The following SIRT3 variants were observed in gnomAD, a reference collection of about 807,000 sequenced individuals.
SIRT3 encodes the protein NAD-dependent protein deacetylase sirtuin-3, mitochondrial.
Under a neutral mutation model 33.5 loss-of-function variants are expected in SIRT3, and 26 were observed. The observed-to-expected ratio is 0.78, with a 90% CI of 0.57 to 1.08. The LOEUF is 1.08. SIRT3 is among the 50% of genes least tolerant of loss of function. SIRT3 has a pLI of 0.00. For missense variants in SIRT3, 585 were observed against 530.1 expected, an observed-to-expected ratio of 1.10 and a Z score of -1.02; for synonymous variants, 237 against 222.1, an observed-to-expected ratio of 1.07 and a Z score of -0.60.
intron 3 of SIRT3, among the ~76,000 whole-genome samples, chr11:231,921 G>A (rs1475088936): frequency 6.6e-6 from 1 of 151,432 alleles, no homozygotes. Context: ...ATCACTGCAC[G>A]TAAGGAAAAG....
At chr11:233,924 C>A (rs752953541) in intron 1 of SIRT3, 1 of 176,296 alleles carries the variant, frequency 5.7e-6, no homozygotes, top group Non-Finnish European at 1.2e-5. Context: ...CTATTAAGCG[C>A]CCCACTTCAC....
In SIRT3 at chr11:230,613, G is replaced by C. The variant is rs75642827; in HGVS notation, c.707-61C>G. 11,456 of 1,219,446 alleles carry C rather than the reference G, an allele frequency of 9.4e-3. 70 individuals carry two copies. The highest frequency in any genetic ancestry group is 0.013 in the South Asian group (740 of 57,082). The allele number at this position is 1,219,446 out of a possible 1,614,324, so 75.5% of individuals were successfully genotyped here. A position where few individuals can be genotyped will look rare whatever the true frequency, so the allele number is the denominator to read the frequency against. On this transcript the variant is annotated intron_variant, in intron 3 of 6. Coordinates refer to ENST00000382743, the MANE Select transcript of SIRT3 (RefSeq NM_012239.6). ...CTCCGAGATGAGCACGCAAGGCCAA[G>C]AGCACAACTTCTGGGCTTGGCAGGA...
At chr11:230,667 G>T in intron 3 of SIRT3, 115 bp from the exon 4 acceptor site, 1 of 554,156 alleles carries the variant, frequency 1.8e-6, no homozygotes, top group Non-Finnish European at 3.0e-6. Context: ...GCCCCTTGGG[G>T]TTGTGATGTC....
At chr11:218,456 A>G (rs1284389810) in intron 6 of SIRT3, among the ~76,000 whole-genome samples, 1 of 152,230 alleles carries the variant, frequency 6.6e-6, no homozygotes, top group Non-Finnish European at 1.5e-5. Context: ...ACATAGATGC[A>G]GAGAACTTTA....
At chr11:232,626 T>G (rs1441657394) in intron 3 of SIRT3, among the ~76,000 whole-genome samples, 1 of 152,084 alleles carries the variant, frequency 6.6e-6, no homozygotes, top group Non-Finnish European at 1.5e-5. Context: ...TCTTTGTGTG[T>G]GCTCAAAAAA....
chr11:233,193 T>C lies in SIRT3; in HGVS notation c.496A>G (p.Ser166Gly). Residue 166 changes from serine to glycine, a missense_variant, in exon 3 of 7, where the codon AGC becomes GGC. Physicochemically the swap from Ser to Gly is moderately conservative, Grantham distance 56. Transcript: ENST00000382743. ...DFRSPGSGLY[S>G]NLQQYDLPYP... Reference sequence around the variant, plus strand: ...GGGAGATCGTACTGCTGGAGGTTGCTGTACAGGCCACTCCCCGGCGATCTG... The same window carrying C: ...GGGAGATCGTACTGCTGGAGGTTGCCGTACAGGCCACTCCCCGGCGATCTG... 2 of 1,613,910 alleles carry C rather than the reference T, an allele frequency of 1.2e-6. No individual in the cohort carries two copies. Among genetic ancestry groups the C allele is most frequent in the East Asian group, 2.2e-5 (1 of 44,880 alleles).
At chr11:227,353 G>A (rs1188818547) in intron 4 of SIRT3, among the ~76,000 whole-genome samples, 2 of 151,488 alleles carry the variant, frequency 1.3e-5, no homozygotes, top group African/African-American at 4.8e-5. Flanking sequence ...CAAGAGAATC[G>A]CTTGAACCTG....
chr11:233,649 T>G, intron 1 of SIRT3, 115 bp from the exon 2 acceptor site: 1 of 937,060 alleles, frequency 1.1e-6, no homozygotes, highest in Middle Eastern at 2.2e-4. Flanking sequence ...TGAGCATGTG[T>G]GTCTCCCCAG....
Position 226,905 on chromosome 11 carries a change from C to T in SIRT3, c.808-2666G>A, listed in dbSNP as rs550448729. Among the ~76,000 whole-genome samples, 3 of 150,870 alleles carry T rather than the reference C, an allele frequency of 2.0e-5. No homozygotes were observed. In the South Asian group the frequency reaches 6.3e-4, roughly 32 times the overall value. On this transcript the variant is annotated intron_variant, in intron 4 of 6. Transcript: ENST00000382743. ...AGTATCTGAGATTATAGGCATGCACCATCACGCCCGGCTAATTTTGTATTT... is the reference window on the plus strand; with the variant it reads ...AGTATCTGAGATTATAGGCATGCACTATCACGCCCGGCTAATTTTGTATTT...
intron 4 of SIRT3, among the ~76,000 whole-genome samples, chr11:228,360 A>G (rs569228187): frequency 2.0e-5 from 3 of 152,226 alleles, no homozygotes; most frequent in Non-Finnish European, 4.4e-5. Flanking sequence ...TGCTGGACTC[A>G]CACTTCCTAA....
chr11:224,048 C>A (rs570772), intron 5 of SIRT3, 30 bp downstream of exon 5: 47,475 of 1,109,284 alleles, frequency 0.043, 4,681 homozygotes, highest in Middle Eastern at 0.085. Flanking sequence ...TGCCCTCCAG[C>A]CTCCTCCCTG....
intron 4 of SIRT3, among the ~76,000 whole-genome samples, chr11:224,684 A>G (rs1290990784): frequency 6.6e-6 from 1 of 152,314 alleles, no homozygotes; most frequent in East Asian, 1.9e-4. Context: ...TTCGGTGATC[A>G]TGCCATTGCC....
chr11:220,642 A>G (rs996650549), intron 5 of SIRT3, among the ~76,000 whole-genome samples: 10 of 152,256 alleles, frequency 6.6e-5, no homozygotes, highest in African/African-American at 1.2e-4. Context: ...ATGGCTACAT[A>G]AAAACACAGT....
At chr11:230,826 A>C in intron 3 of SIRT3, 1 of 274,940 alleles carries the variant, frequency 3.6e-6, no homozygotes, top group Non-Finnish European at 6.7e-6. Context: ...ATAAAAGCTC[A>C]AATAAAATTA....
intron 5 of SIRT3, among the ~76,000 whole-genome samples, chr11:219,549 A>G (rs576586296): frequency 3.3e-4 from 50 of 152,184 alleles, no homozygotes; most frequent in Non-Finnish European, 4.1e-4. Context: ...CCCAGCCTCT[A>G]GAGAGGCCTA....
chr11:228,050 G>T (rs939621838), intron 4 of SIRT3, among the ~76,000 whole-genome samples: 1 of 152,154 alleles, frequency 6.6e-6, no homozygotes, highest in Non-Finnish European at 1.5e-5. Context: ...CACACTCCAG[G>T]TCTCTGCTGC....
intron 1 of SIRT3, among the ~76,000 whole-genome samples, chr11:234,822 C>A (rs185254415): frequency 4.6e-5 from 7 of 152,268 alleles, no homozygotes; most frequent in African/African-American, 1.7e-4. Flanking sequence ...AGAACAGAGT[C>A]TGGCACAGAA....
chr11:218,785 C>T, intron 6 of SIRT3, 47 bp downstream of exon 6: 1 of 1,613,742 alleles, frequency 6.2e-7, no homozygotes, highest in African/African-American at 1.3e-5. Flanking sequence ...TACCCTAGAG[C>T]AGTGAGAAGG....
chr11:218,905 C>T lies in SIRT3; in HGVS notation c.1106G>A (p.Gly369Asp), dbSNP rs1432928154. 3 of 1,614,064 alleles carry T rather than the reference C, an allele frequency of 1.9e-6. No individual in the cohort carries two copies. The highest frequency in any genetic ancestry group is 2.5e-6 in the Non-Finnish European group (3 of 1,180,044). ...CAGAAGCTCCACTAGGCTTTCCACG[C>T]CGTGAACCACGTCCCCCAGCTGGGC... Reference protein sequence around the residue: ...DVAQLGDVVHGVESLVELLGW... With the variant: ...DVAQLGDVVHDVESLVELLGW... The change falls in exon 6 of 7, where the codon GGC becomes GAC. Residue 369 changes from glycine to aspartate, a missense_variant. Physicochemically the swap from Gly to Asp is moderately conservative, Grantham distance 94. Transcript: ENST00000382743.
Sources: gnomAD v4.1 joint callset for allele counts (sites outside exome capture counted in the v4.1 genomes callset) on GRCh38, gnomAD v4.1.1 for gene constraint, MANE v1.5 for transcripts, NCBI Gene and HGNC (gene_info 2026-07-23, HGNC 2026-07-21) for gene names.